Variants in GMDS observed in about 807,000 individuals in gnomAD.
The protein encoded by GMDS is GDP-mannose 4,6-dehydratase.
GMDS carries 20 observed loss-of-function variants against 49.9 expected under a neutral mutation model. That is an observed-to-expected ratio of 0.40 (90% CI 0.28 to 0.58). The LOEUF (loss-of-function observed/expected upper bound fraction) is 0.58, where lower values mean the gene tolerates loss of function less well. Among genes scored for constraint, GMDS ranks in the 20% least tolerant of loss-of-function variants. The pLI is 0.42. For missense variants in GMDS, 362 were observed against 481.4 expected (o/e 0.75, Z 2.32); for synonymous variants, 177 against 178.6 (o/e 0.99, Z 0.07).
At chr6:1,638,248 C>T (rs1406775820) in intron 9 of GMDS, among the ~76,000 whole-genome samples, 1 of 152,118 alleles carries the variant, frequency 6.6e-6, no homozygotes, top group Non-Finnish European at 1.5e-5. Flanking sequence ...CAAAGCCCCA[C>T]ACTAAAAAAG....
chr6:1,785,943 G>C (rs1165437975), intron 7 of GMDS, among the ~76,000 whole-genome samples: 1 of 152,208 alleles, frequency 6.6e-6, no homozygotes, highest in African/African-American at 2.4e-5. Context: ...AGTGCTGATG[G>C]AGGAGGAGAA....
intron 9 of GMDS, among the ~76,000 whole-genome samples, chr6:1,705,503 T>G (rs1398161482): frequency 6.6e-6 from 1 of 152,248 alleles, no homozygotes; most frequent in African/African-American, 2.4e-5. Context: ...ACGTGAATAT[T>G]CCTTCAGCAA....
At chr6:2,008,540 A>G (rs1767345259) in intron 4 of GMDS, among the ~76,000 whole-genome samples, 1 of 152,156 alleles carries the variant, frequency 6.6e-6, no homozygotes, top group African/African-American at 2.4e-5. Flanking sequence ...AGCAGCTGAC[A>G]GTTCACTATC....
intron 4 of GMDS, among the ~76,000 whole-genome samples, chr6:2,083,567 C>T (rs187715981): frequency 1.9e-4 from 29 of 152,314 alleles, no homozygotes; most frequent in Admixed American, 1.7e-3. Context: ...GACACCTCTT[C>T]TGATATTTTG....
intron 7 of GMDS, among the ~76,000 whole-genome samples, chr6:1,878,148 C>T (rs1379761440): frequency 6.6e-6 from 1 of 151,832 alleles, no homozygotes; most frequent in Non-Finnish European, 1.5e-5. Context: ...CCCGTCTCTA[C>T]TAAAAATACA....
At chr6:1,639,922 C>T (rs1763275603) in intron 9 of GMDS, among the ~76,000 whole-genome samples, 1 of 152,210 alleles carries the variant, frequency 6.6e-6, no homozygotes, top group Non-Finnish European at 1.5e-5. Context: ...AAGCTGAATT[C>T]CAGTTCTGCC....
At chr6:1,641,806 G>A (rs1763340463) in intron 9 of GMDS, among the ~76,000 whole-genome samples, 1 of 151,102 alleles carries the variant, frequency 6.6e-6, no homozygotes, top group Admixed American at 6.6e-5. Context: ...TTAAATATTG[G>A]TCAGCCTCCT....
At chr6:1,949,912 T>C (rs954510399) in intron 6 of GMDS, among the ~76,000 whole-genome samples, 3 of 152,266 alleles carry the variant, frequency 2.0e-5, no homozygotes, top group Admixed American at 2.0e-4. Flanking sequence ...ATTAAGTCTC[T>C]GATGCTCATC....
At chr6:1,759,095 T>C (rs758505265) in intron 7 of GMDS, among the ~76,000 whole-genome samples, 1 of 152,134 alleles carries the variant, frequency 6.6e-6, no homozygotes, top group Non-Finnish European at 1.5e-5. Context: ...GCTAATTTTT[T>C]CATCAGGATG....
intron 1 of GMDS, among the ~76,000 whole-genome samples, chr6:2,146,494 C>T (rs1458223140): frequency 1.3e-5 from 2 of 152,110 alleles, no homozygotes; most frequent in Admixed American, 6.5e-5. Flanking sequence ...CCGGCATTAA[C>T]AAAATACTCA....
At chr6:2,013,199 AG>A (rs1289891315) in intron 4 of GMDS, among the ~76,000 whole-genome samples, 6 of 152,246 alleles carry the variant, frequency 3.9e-5, no homozygotes, top group Admixed American at 3.9e-4. Flanking sequence ...TTTAGGAAAT[AG>A]TTCTCAAGGT....
intron 1 of GMDS, among the ~76,000 whole-genome samples, chr6:2,148,737 G>A (rs543103733): frequency 1.3e-5 from 2 of 152,294 alleles, no homozygotes; most frequent in African/African-American, 4.8e-5. Context: ...AGTCTTGATG[G>A]AAGGTTCTCA....
chr6:2,221,048 C>T (rs1380966933), intron 1 of GMDS, among the ~76,000 whole-genome samples: 1 of 151,868 alleles, frequency 6.6e-6, no homozygotes, highest in Non-Finnish European at 1.5e-5. Flanking sequence ...TGGTAATGTA[C>T]ACCTGTAGTA....
chr6:1,770,679 C>A (rs564480387), intron 7 of GMDS, among the ~76,000 whole-genome samples: 1 of 152,178 alleles, frequency 6.6e-6, no homozygotes, highest in Non-Finnish European at 1.5e-5. Context: ...TGAGAGCCAA[C>A]CACTGAGTAG....
chr6:2,048,482 T>C (rs1770163371), intron 4 of GMDS, among the ~76,000 whole-genome samples: 1 of 152,234 alleles, frequency 6.6e-6, no homozygotes, highest in Admixed American at 6.5e-5. Flanking sequence ...TCTTCCCCCA[T>C]GCTATGTTTT....
intron 6 of GMDS, among the ~76,000 whole-genome samples, chr6:1,936,966 C>CA (rs34542518): frequency 0.049 from 4,777 of 97,046 alleles, 184 homozygotes; most frequent in East Asian, 0.23. Flanking sequence ...GACTCTGTCT[C>CA]AAAAAAAAAA....
At chr6:2,205,975 A>G (rs1027122709) in intron 1 of GMDS, among the ~76,000 whole-genome samples, 2 of 152,092 alleles carry the variant, frequency 1.3e-5, no homozygotes, top group Admixed American at 1.3e-4. Flanking sequence ...AAAAGCACAG[A>G]CGGCTGGGTG....
chr6:2,228,721 T>G lies in GMDS; in HGVS notation c.102+16600A>C, dbSNP rs149667757. The stretch of plus-strand genomic sequence containing the variant: ...TAATGTGCAGTGTTAAGAGTAACCC[T>G]GAACAATGCATTTGCTGCATGGAAT... On this transcript the variant is annotated intron_variant, in intron 1 of 10. Coordinates refer to ENST00000380815, the MANE Select transcript of GMDS (RefSeq NM_001500.4). Among the ~76,000 whole-genome samples the G allele has an allele frequency of 7.2e-4, 109 of 152,376 alleles. 1 individual carries two copies. The highest frequency in any genetic ancestry group is 2.4e-3 in the African/African-American group (99 of 41,582).
At chr6:1,892,441 C>CTGCA (rs1759915017) in intron 7 of GMDS, among the ~76,000 whole-genome samples, 1 of 152,136 alleles carries the variant, frequency 6.6e-6, no homozygotes, top group African/African-American at 2.4e-5. Flanking sequence ...CTCACTGCAA[C>CTGCA]CTCCACTACC....
Sources: allele counts gnomAD v4.1 joint callset (sites outside exome capture counted in the v4.1 genomes callset), GRCh38; gene constraint gnomAD v4.1.1; transcripts MANE v1.5; gene names NCBI Gene and HGNC (gene_info 2026-07-23, HGNC 2026-07-21).